ADGRD2: variants seen among roughly 807,000 people sequenced by gnomAD.
ADGRD2 encodes the protein G protein-coupled receptor PGR24.
A neutral mutation model predicts 44.4 loss-of-function variants in ADGRD2; 71 were observed. The observed-to-expected ratio is 1.60, with a 90% CI of 1.32 to 1.95. The LOEUF (loss-of-function observed/expected upper bound fraction) is 1.95, where lower values mean the gene tolerates loss of function less well. ADGRD2 is among the 30% of genes most tolerant of loss of function. The probability of loss-of-function intolerance (pLI) is 0.00; values close to 1 mark genes in which losing one functional copy is unlikely to be tolerated. For missense variants in ADGRD2, 1,039 were observed against 512.4 expected (o/e 2.03, Z -9.92); for synonymous variants, 481 against 224.8 (o/e 2.14, Z -10.19).
chr9:124,459,621 T>C (rs1165595938), intron 10 of ADGRD2, among the ~76,000 whole-genome samples: 2 of 152,166 alleles, frequency 1.3e-5, no homozygotes, highest in African/African-American at 4.8e-5. Flanking sequence ...TGAACATCTA[T>C]AGACTTTTAT....
chr9:124,476,361 C>T lies in ADGRD2; in HGVS notation c.2852C>T (p.Pro951Leu), dbSNP rs1185109258. The T allele has an allele frequency of 5.7e-6, 4 of 700,382 alleles. No homozygotes were observed. The South Asian group carries it at 5.9e-5, about 10-fold the overall frequency. 43.4% of individuals were successfully genotyped at this position (700,382 alleles called of 1,614,324 possible). A position where few individuals can be genotyped will look rare whatever the true frequency, so the allele number is the denominator to read the frequency against. ...AATTTGCCTTTTCCTCCCTAGGGAC[C>T]TATGGCCCTAGAACTCCCTCAGCAT... Residue 951 changes from proline (P) to leucine (L), a missense_variant, in exon 20 of 22, where the codon CCT (proline) becomes CTT (leucine). By Grantham distance (98) the Pro-to-Leu change is moderately conservative. Transcript: ENST00000334810.
At chr9:124,451,028 A>T (rs1588597231), upstream of ADGRD2, 3 of 470,990 alleles carry the variant, frequency 6.4e-6, no homozygotes, top group Middle Eastern at 3.4e-4. Flanking sequence ...TGGCTGTGGC[A>T]CACCCACCAG....
At chr9:124,450,636 G>C (rs1166477808), upstream of ADGRD2, among the ~76,000 whole-genome samples, 1 of 152,234 alleles carries the variant, frequency 6.6e-6, no homozygotes, top group African/African-American at 2.4e-5. Context: ...TCTCCCTCTC[G>C]GGCCTCAACG....
At chr9:124,463,035 A>G (rs1177429403) in intron 10 of ADGRD2, among the ~76,000 whole-genome samples, 1 of 150,208 alleles carries the variant, frequency 6.7e-6, no homozygotes, top group African/African-American at 2.5e-5. Context: ...CTCTGGATCA[A>G]TGTTGAATTG....
At chr9:124,458,747 A>C (rs1235225667) in intron 10 of ADGRD2, 26 bp downstream of exon 13, 1 of 715,884 alleles carries the variant, frequency 1.4e-6, no homozygotes, top group South Asian at 1.5e-5. Context: ...TCTGGGAAGC[A>C]GCCATCCTGG....
intron 11 of ADGRD2, chr9:124,467,415 T>G: frequency 8.8e-6 from 3 of 342,088 alleles, no homozygotes; most frequent in Non-Finnish European, 1.6e-5. Context: ...GCAGCCCCAT[T>G]CTGATGATAC....
At chr9:124,471,249 C>T (rs1287921804) in intron 17 of ADGRD2, among the ~76,000 whole-genome samples, 2 of 152,100 alleles carry the variant, frequency 1.3e-5, no homozygotes, top group Admixed American at 6.5e-5. Context: ...CTCGTTTTCC[C>T]TCGACCTCCC....
At chr9:124,474,545 AG>A (rs1329048750) in intron 17 of ADGRD2, among the ~76,000 whole-genome samples, 2 of 152,106 alleles carry the variant, frequency 1.3e-5, no homozygotes, top group African/African-American at 2.4e-5. Context: ...CCTGGACACC[AG>A]GGGGACCAGT....
intron 9 of ADGRD2, 105 bp from the exon 13 acceptor site, chr9:124,458,511 G>A: frequency 1.5e-6 from 1 of 650,938 alleles, no homozygotes; most frequent in Non-Finnish European, 2.9e-6. Context: ...TATCCCTTCG[G>A]ACACAGAGGC....
upstream of ADGRD2, chr9:124,452,004 T>TCCCCC: frequency 8.7e-5 from 10 of 114,466 alleles, no homozygotes; most frequent in Non-Finnish European, 1.1e-4. Flanking sequence ...AATGCCCCCC[T>TCCCCC]CCCACCCACC....
chr9:124,468,774 C>T, intron 14 of ADGRD2, 102 bp downstream of exon 17: 3 of 626,702 alleles, frequency 4.8e-6, no homozygotes, highest in Non-Finnish European at 8.6e-6. Flanking sequence ...CAGCACCCAG[C>T]ACCACTCAGC....
At chr9:124,457,856 G>C (rs1267677037) in intron 8 of ADGRD2, among the ~76,000 whole-genome samples, 1 of 152,228 alleles carries the variant, frequency 6.6e-6, no homozygotes, top group Non-Finnish European at 1.5e-5. Flanking sequence ...GATCCCCTAT[G>C]CTTGATGCCA....
chr9:124,474,024 C>G (rs1832000103), intron 17 of ADGRD2, among the ~76,000 whole-genome samples: 1 of 151,988 alleles, frequency 6.6e-6, no homozygotes, highest in Non-Finnish European at 1.5e-5. Context: ...GCCTGTAATC[C>G]CAGCACTTTG....
At chr9:124,457,984 GA>G in intron 8 of ADGRD2, 128 bp from the exon 12 acceptor site, 1 of 637,712 alleles carries the variant, frequency 1.6e-6, no homozygotes, top group Non-Finnish European at 2.9e-6. Context: ...TGATCTTAGG[GA>G]AGTCAGTTTA....
intron 10 of ADGRD2, among the ~76,000 whole-genome samples, chr9:124,460,022 C>A (rs1007703690): frequency 6.6e-6 from 1 of 152,168 alleles, no homozygotes; most frequent in African/African-American, 2.4e-5. Flanking sequence ...TTTCTTCTCC[C>A]TTCTGAAACA....
At chr9:124,462,998 T>C (rs1194997036) in intron 10 of ADGRD2, among the ~76,000 whole-genome samples, 3 of 152,008 alleles carry the variant, frequency 2.0e-5, no homozygotes, top group Non-Finnish European at 4.4e-5. Context: ...TTCTTTCTTT[T>C]TCTTCCCTTG....
At chr9:124,470,941 C>G (rs1831934952) in intron 17 of ADGRD2, among the ~76,000 whole-genome samples, 1 of 152,236 alleles carries the variant, frequency 6.6e-6, no homozygotes, top group South Asian at 2.1e-4. Context: ...GCCAGAGCCA[C>G]TTAGTTCTTG....
At chr9:124,474,902 C>T (rs1832015821) in intron 17 of ADGRD2, among the ~76,000 whole-genome samples, 1 of 152,198 alleles carries the variant, frequency 6.6e-6, no homozygotes. Context: ...GAGCCAGCTC[C>T]TCCCCAGCCA....
exon 3 of ADGRD2, chr9:124,453,197 C>CCGCGCTGCCCAA: frequency 1.5e-6 from 1 of 675,126 alleles, no homozygotes; most frequent in Non-Finnish European, 2.7e-6. Context: ...GTTGCCGCGC[C>CCGCGCTGCCCAA]CGCGCTGCCC....
Sources: allele counts gnomAD v4.1 joint callset (sites outside exome capture counted in the v4.1 genomes callset), GRCh38; gene constraint gnomAD v4.1.1; transcripts MANE v1.5; gene names NCBI Gene and HGNC (gene_info 2026-07-23, HGNC 2026-07-21).